KIRREL2: variants seen among roughly 807,000 people sequenced by gnomAD.
KIRREL2 encodes the protein kirre like nephrin family adhesion molecule 2.
A neutral mutation model predicts 73.4 loss-of-function variants in KIRREL2; 56 were observed. The observed-to-expected ratio is 0.76, with a 90% CI of 0.62 to 0.95. The LOEUF is 0.95. Among genes scored for constraint, KIRREL2 ranks in the 40% least tolerant of loss-of-function variants. The probability of loss-of-function intolerance (pLI) is 0.00; values close to 1 mark genes in which losing one functional copy is unlikely to be tolerated. For synonymous variants in KIRREL2, 407 were observed against 404.0 expected (o/e 1.01, Z -0.09); for missense variants, 896 against 935.0 (o/e 0.96, Z 0.54).
In KIRREL2 at chr19:35,861,225, G is replaced by A; in HGVS notation, c.1160G>A (p.Gly387Asp). Residue 387 changes from glycine (G) to aspartate (D), a missense_variant, in exon 9 of 15, where the codon GGC (glycine) becomes GAC (aspartate). Transcript: ENST00000360202. ...GCTGGGCTATCGGGCCTGCGGGGCGGCGCCGCGGAGGCTCGGCTGACTGTG... is the reference window on the plus strand; with the variant it reads ...GCTGGGCTATCGGGCCTGCGGGGCGACGCCGCGGAGGCTCGGCTGACTGTG... ...AEAGLSGLRG[G>D]AAEARLTVNA... 2 of 1,535,908 alleles carry A rather than the reference G, an allele frequency of 1.3e-6. No homozygotes were observed. Among genetic ancestry groups the A allele is most frequent in the South Asian group, 1.2e-5 (1 of 80,222 alleles).
At chr19:35,858,887 A>C in intron 4 of KIRREL2, 23 bp downstream of exon 4, 1 of 1,613,156 alleles carries the variant, frequency 6.2e-7, no homozygotes, top group Middle Eastern at 1.7e-4. Context: ...TTCCTGTGCT[A>C]GCCTTTGCCC....
At chr19:35,863,424 ATTT>A (rs1410982721) in intron 13 of KIRREL2, among the ~76,000 whole-genome samples, 4 of 120,314 alleles carry the variant, frequency 3.3e-5, no homozygotes, top group Admixed American at 8.3e-5. Flanking sequence ...CCCTGTCTCC[ATTT>A]TTTTTTTTTT....
At chr19:35,859,441 G>A in intron 4 of KIRREL2, 40 bp from the exon 5 acceptor site, 8 of 1,596,396 alleles carry the variant, frequency 5.0e-6, no homozygotes, top group Non-Finnish European at 6.9e-6. Flanking sequence ...GGACACCCCT[G>A]ATGGGTAGAT....
At chr19:35,856,712 C>G, upstream of KIRREL2, 1 of 355,176 alleles carries the variant, frequency 2.8e-6, no homozygotes, top group Non-Finnish European at 5.4e-6. This position sits in a 1 kb window ranked among gnomAD's most constrained non-coding sequence, Gnocchi z 5.9. Flanking sequence ...CAGCCGGGAC[C>G]CCCTCCCTCC....
upstream of KIRREL2, chr19:35,855,769 G>C (rs920995531): frequency 6.5e-6 from 1 of 152,756 alleles, no homozygotes; most frequent in African/African-American, 2.4e-5. Flanking sequence ...GGGCCTGTGT[G>C]GGGGTGGGGA....
Position 35,866,204 on chromosome 19 carries a change from G to C in KIRREL2, c.1839G>C (p.Leu613=). The C allele has an allele frequency of 6.2e-7, 1 of 1,613,194 alleles. No individual in the cohort carries two copies. Among genetic ancestry groups the C allele is most frequent in the South Asian group, 1.1e-5 (1 of 91,042 alleles). Residue 613 remains leucine (L), a synonymous_variant, in exon 15 of 15, where the codon CTG becomes CTC. Coordinates refer to ENST00000360202, the MANE Select transcript of KIRREL2 (RefSeq NM_199180.4). Reference sequence around the variant, plus strand: ...AGGTCCGAGGAGTCAGTGTGAGCCTGAGCCTTGGCGAAGCCCCTGGAGGAG... The same window carrying C: ...AGGTCCGAGGAGTCAGTGTGAGCCTCAGCCTTGGCGAAGCCCCTGGAGGAG... ...YYKVRGVSVS[L]SLGEAPGGGL...
At position 35,859,222 on chromosome 19, in the gene KIRREL2, A is replaced by G. The variant is rs559810564; in HGVS notation, c.523-259A>G. ...GTGACCAATACATAGTGAGCACTAT[A>G]TAAGTAAGGCAAGCTTGTCCAACCT... On this transcript the variant is annotated intron_variant, in intron 4 of 14. Coordinates refer to ENST00000360202, the MANE Select transcript of KIRREL2 (RefSeq NM_199180.4). Among the ~76,000 whole-genome samples, 23 of 152,370 alleles carry G rather than the reference A, an allele frequency of 1.5e-4. No homozygotes were observed. In the South Asian group the frequency reaches 4.3e-3, roughly 29 times the overall value.
chr19:35,866,094 A>G, intron 14 of KIRREL2, 63 bp from the exon 15 acceptor site: 11 of 1,507,898 alleles, frequency 7.3e-6, no homozygotes, highest in Middle Eastern at 2.4e-4. Flanking sequence ...GTGTCTCTCC[A>G]TCAGTGACCC....
Position 35,862,511 on chromosome 19 carries a change from G to T in KIRREL2, c.1529G>T (p.Arg510Leu). Reference sequence around the variant, plus strand: ...CCTGCAGACTTGCTGCCCACTGTGCGGATAGTGGCCGGAGTGGCCGCTGCC... The same window carrying T: ...CCTGCAGACTTGCTGCCCACTGTGCTGATAGTGGCCGGAGTGGCCGCTGCC... Reference protein sequence around the residue: ...LGRRDLLPTVRIVAGVAAATT... With the variant: ...LGRRDLLPTVLIVAGVAAATT... Residue 510 changes from arginine to leucine, a missense_variant, in exon 12 of 15, where the codon CGG becomes CTG. By Grantham distance (102) the Arg-to-Leu change is moderately radical. Transcript: ENST00000360202. 6.2e-7 allele frequency: 1 copy of T among 1,610,210 alleles called. No individual in the cohort carries two copies.
upstream of KIRREL2, among the ~76,000 whole-genome samples, chr19:35,852,341 C>T (rs916550107): frequency 6.6e-6 from 1 of 152,030 alleles, no homozygotes; most frequent in African/African-American, 2.4e-5. Context: ...TCTATCTTCT[C>T]TCCTGCCACC....
rs1323085688 is a variant in KIRREL2, at chr19:35,861,176, G to A, written c.1111G>A (p.Gly371Ser). 1.3e-6 allele frequency: 2 copies of A among 1,584,364 alleles called. No individual in the cohort carries two copies. The highest frequency in any genetic ancestry group is 8.6e-7 in the Non-Finnish European group (1 of 1,167,854). The stretch of plus-strand genomic sequence containing the variant: ...TCCGTCGGTGGGGCCCGAGGACGCA[G>A]GCGACTATGTGTGCAGAGCTGAGGC... ...RLPSVGPEDA[G>S]DYVCRAEAGL... Residue 371 changes from glycine (G) to serine (S), a missense_variant, in exon 9 of 15, where the codon GGC becomes AGC. Transcript: ENST00000360202.
intron 12 of KIRREL2, 36 bp downstream of exon 12, chr19:35,862,633 C>T: frequency 6.7e-7 from 1 of 1,498,254 alleles, no homozygotes; most frequent in Non-Finnish European, 9.2e-7. Context: ...TCCCGAGGCC[C>T]CAGCCCCACA....
In KIRREL2 at chr19:35,860,837, T is replaced by C. The variant is rs1193064476; in HGVS notation, c.929-72T>C. The C allele has an allele frequency of 5.0e-6, 8 of 1,607,104 alleles. No individual in the cohort carries two copies. The East Asian group carries it at 1.1e-4, about 22-fold the overall frequency. On this transcript the variant is annotated intron_variant, in intron 7 of 14. Coordinates refer to ENST00000360202, the MANE Select transcript of KIRREL2 (RefSeq NM_199180.4). ...CGCCCTAGAGGGTGTGGTGTTTCTGTGGGGCTGGCTGATCCCAGGTCAGTG... is the reference window on the plus strand; with the variant it reads ...CGCCCTAGAGGGTGTGGTGTTTCTGCGGGGCTGGCTGATCCCAGGTCAGTG...
intron 14 of KIRREL2, among the ~76,000 whole-genome samples, chr19:35,865,569 C>A (rs537369874): frequency 2.1e-4 from 32 of 152,282 alleles, no homozygotes; most frequent in Admixed American, 1.6e-3. Context: ...CCCATGCTTC[C>A]GTCATGACAG....
rs199689669 is a variant in KIRREL2 at position 35,858,514 on chromosome 19, A to C, written c.318A>C (p.Thr106=). The C allele has an allele frequency of 6.2e-7, 1 of 1,614,192 alleles. No homozygotes were observed. The highest frequency in any genetic ancestry group is 8.5e-7 in the Non-Finnish European group (1 of 1,180,044). The stretch of plus-strand genomic sequence containing the variant: ...AAGCATCATATGAATGTCAGGCTAC[A>C]CAAGCAGGCCTCCGCTCCAGACCAG... ...EDEASYECQA[T]QAGLRSRPAQ... Residue 106 remains threonine, a synonymous_variant, in exon 3 of 15, where the codon ACA becomes ACC. Transcript: ENST00000360202.
Position 35,861,265 on chromosome 19 carries a change from G to T in KIRREL2, c.1189+11G>T. Reference sequence around the variant, plus strand: ...GGCTGACTGTGAACGGTGAGAAGGCGGGGCTTCCTAGGGGACCTGGCCCGT... The same window carrying T: ...GGCTGACTGTGAACGGTGAGAAGGCTGGGCTTCCTAGGGGACCTGGCCCGT... On this transcript the variant is annotated intron_variant, in intron 9 of 14. Transcript: ENST00000360202. 1 of 1,523,194 alleles carries T rather than the reference G, an allele frequency of 6.6e-7. No homozygotes were observed. Among genetic ancestry groups the T allele is most frequent in the Non-Finnish European group, 8.7e-7 (1 of 1,146,504 alleles). 94.4% of individuals were successfully genotyped at this position (1,523,194 alleles called of 1,614,324 possible). A position where few individuals can be genotyped will look rare whatever the true frequency, so the allele number is the denominator to read the frequency against.
chr19:35,852,356 A>G (rs1300823899), upstream of KIRREL2, among the ~76,000 whole-genome samples: 1 of 144,466 alleles, frequency 6.9e-6, no homozygotes, highest in East Asian at 2.0e-4. Context: ...GCCACCCCTC[A>G]CTCCTGCTCC....
intron 7 of KIRREL2, 66 bp downstream of exon 7, chr19:35,860,733 G>C (rs938271709): frequency 3.6e-5 from 58 of 1,590,606 alleles, no homozygotes; most frequent in Non-Finnish European, 4.7e-5. Context: ...GTTGAGGGTC[G>C]GGGCCTGGAG....
intron 5 of KIRREL2, among the ~76,000 whole-genome samples, chr19:35,859,944 C>T (rs768102549): frequency 3.3e-5 from 5 of 152,152 alleles, no homozygotes; most frequent in Non-Finnish European, 7.3e-5. Flanking sequence ...ACCTGGGAGG[C>T]TGAGGCAGGA....
Sources: gnomAD v4.1 joint callset for allele counts (sites outside exome capture counted in the v4.1 genomes callset) on GRCh38, gnomAD v4.1.1 for gene constraint, Gnocchi (gnomAD v3.1) non-coding constraint, MANE v1.5 for transcripts, NCBI Gene and HGNC (gene_info 2026-07-23, HGNC 2026-07-21) for gene names.